The following ARF4 variants were observed in gnomAD, a reference collection of about 807,000 sequenced individuals.
ARF4 encodes the protein ARF GTPase 4, also known as ADP-ribosylation factor 4.
In ARF4, 5 loss-of-function variants were observed where a neutral mutation model predicts 24.3. The ratio of observed to expected loss-of-function variants is 0.21; its 90% CI spans 0.11 to 0.43. ARF4 has a LOEUF of 0.43. Among genes scored for constraint, ARF4 ranks in the 20% least tolerant of loss-of-function variants. ARF4 has a pLI of 1.00. For missense variants in ARF4, 107 were observed against 213.0 expected (o/e 0.50, Z 3.10); for synonymous variants, 62 against 73.5 (o/e 0.84, Z 0.80).
chr3:57,574,144 T>G (rs2069875314), intron 5 of ARF4, among the ~76,000 whole-genome samples: 1 of 151,716 alleles, frequency 6.6e-6, no homozygotes, highest in Non-Finnish European at 1.5e-5. Flanking sequence ...TTTCATCATC[T>G]TGGCCATGTT....
In ARF4 at chr3:57,577,457, CA is replaced by C. The variant is rs376090673; in HGVS notation, c.259-71del. 1.6e-5 allele frequency: 19 copies of C among 1,201,022 alleles called. No individual in the cohort carries two copies. The African/African-American group carries it at 2.3e-4, about 14-fold the overall frequency. The allele number at this position is 1,201,022 out of a possible 1,614,324, so 74.4% of individuals were successfully genotyped here. On this transcript the variant is annotated intron_variant, in intron 3 of 5. Transcript: ENST00000303436. ...TCTCTATATGAAACAGTGTAGGCAGCAAAATGGTACCAATGGTTAGACATTA... is the reference window on the plus strand; with the variant it reads ...TCTCTATATGAAACAGTGTAGGCAGCAAATGGTACCAATGGTTAGACATTA...
At chr3:57,588,277 T>C (rs1332827722) in intron 1 of ARF4, among the ~76,000 whole-genome samples, 1 of 152,176 alleles carries the variant, frequency 6.6e-6, no homozygotes, top group Non-Finnish European at 1.5e-5. Context: ...ACCTCAGAAA[T>C]CTTTGCTGGC....
At chr3:57,583,694 C>T (rs375206081) in intron 3 of ARF4, among the ~76,000 whole-genome samples, 6 of 152,086 alleles carry the variant, frequency 3.9e-5, no homozygotes, top group South Asian at 2.1e-4. Flanking sequence ...AAACACTTAC[C>T]GCAATTGCTT....
chr3:57,572,680 A>T (rs1197174743), intron 5 of ARF4, among the ~76,000 whole-genome samples: 1 of 152,110 alleles, frequency 6.6e-6, no homozygotes, highest in African/African-American at 2.4e-5. Flanking sequence ...CGTCTCAATC[A>T]ATCAAGCTAC....
intron 2 of ARF4, 21 bp from the exon 3 acceptor site, chr3:57,584,028 G>T: frequency 1.3e-6 from 2 of 1,499,000 alleles, no homozygotes; most frequent in South Asian, 2.3e-5. Flanking sequence ...AAACAAAAAT[G>T]ACCGCTGTGC....
In ARF4 at chr3:57,571,822, T is replaced by G. The variant is rs1269344126; in HGVS notation, c.*390A>C. ...AAATAAATACAAATGGAATGCTACA[T>G]TTTTAAATTAGCAAACTGTCTCAGG... On this transcript the variant is annotated 3_prime_UTR_variant, in exon 6 of 6. Transcript: ENST00000303436. The G allele has an allele frequency of 5.8e-6, 1 of 171,076 alleles. No individual in the cohort carries two copies. Among genetic ancestry groups the G allele is most frequent in the Non-Finnish European group, 1.3e-5 (1 of 79,360 alleles). 10.6% of individuals were successfully genotyped at this position (171,076 alleles called of 1,614,324 possible). A position where few individuals can be genotyped will look rare whatever the true frequency, so the allele number is the denominator to read the frequency against.
chr3:57,596,241 A>C (rs2070180982), intron 1 of ARF4, among the ~76,000 whole-genome samples: 1 of 152,236 alleles, frequency 6.6e-6, no homozygotes, highest in Non-Finnish European at 1.5e-5. Flanking sequence ...CTATTTAACA[A>C]GACTACCATA....
chr3:57,573,201 CAAAA>C (rs35901487), intron 5 of ARF4, among the ~76,000 whole-genome samples: 1 of 125,802 alleles, frequency 7.9e-6, no homozygotes. Flanking sequence ...GACTCCATCT[CAAAA>C]AAAAAAAAAA....
intron 1 of ARF4, among the ~76,000 whole-genome samples, chr3:57,586,333 C>A (rs1345854780): frequency 1.3e-5 from 2 of 152,112 alleles, no homozygotes; most frequent in Admixed American, 1.3e-4. Flanking sequence ...AAAAGCAATG[C>A]TAGTAAGTTA....
intron 4 of ARF4, among the ~76,000 whole-genome samples, chr3:57,576,327 G>A (rs1559782845): frequency 1.3e-5 from 2 of 152,108 alleles, no homozygotes; most frequent in African/African-American, 2.4e-5. Context: ...GGAGTGTGGT[G>A]TACGAGAGGA....
intron 3 of ARF4, among the ~76,000 whole-genome samples, chr3:57,580,649 C>T (rs1409780092): frequency 6.6e-6 from 1 of 152,098 alleles, no homozygotes; most frequent in East Asian, 1.9e-4. Context: ...GTATCATGGC[C>T]TCCCAAAGTG....
intron 3 of ARF4, among the ~76,000 whole-genome samples, chr3:57,582,336 G>A (rs1450800065): frequency 6.7e-6 from 1 of 150,270 alleles, no homozygotes; most frequent in East Asian, 2.0e-4. Context: ...TCCACCTCCC[G>A]GGTTCAAGTG....
chr3:57,574,199 A>G (rs534072613), intron 5 of ARF4, among the ~76,000 whole-genome samples: 33 of 152,200 alleles, frequency 2.2e-4, no homozygotes, highest in East Asian at 7.7e-4. Context: ...TCAGCCTCCT[A>G]AAGTGCTGGG....
intron 5 of ARF4, 51 bp downstream of exon 5, chr3:57,575,497 C>A: frequency 6.5e-7 from 1 of 1,529,528 alleles, no homozygotes; most frequent in Non-Finnish European, 8.8e-7. Context: ...ACACAACTAT[C>A]CTAGTAAGTC....
At chr3:57,573,148 G>A (rs953178568) in intron 5 of ARF4, among the ~76,000 whole-genome samples, 3 of 150,510 alleles carry the variant, frequency 2.0e-5, no homozygotes, top group African/African-American at 7.3e-5. Flanking sequence ...CTTGCAGTGA[G>A]CCGAGATCGT....
intron 1 of ARF4, among the ~76,000 whole-genome samples, chr3:57,595,300 T>C (rs2153409593): frequency 6.6e-6 from 1 of 152,358 alleles, no homozygotes; most frequent in East Asian, 1.9e-4. Flanking sequence ...CTATGTGTTC[T>C]GGAACATAAC....
intron 3 of ARF4, among the ~76,000 whole-genome samples, chr3:57,583,321 G>A (rs773050113): frequency 1.2e-4 from 18 of 152,022 alleles, no homozygotes; most frequent in African/African-American, 4.1e-4. Flanking sequence ...GTCATCTAGG[G>A]GATGATCCAG....
In ARF4 at chr3:57,591,282, G is replaced by A. The variant is rs115498869; in HGVS notation, c.67+5792C>T. Among the ~76,000 whole-genome samples, 334 of 151,988 alleles carry A rather than the reference G, an allele frequency of 2.2e-3. 2 individuals are homozygous for A. Among genetic ancestry groups the A allele is most frequent in the South Asian group, 0.019 (92 of 4,812 alleles). On this transcript the variant is annotated intron_variant, in intron 1 of 5. Transcript: ENST00000303436. ...CATGAATGTTGAAGAGCTAGAAAGTGAAAACAACCTAATTTTTATCATCTG... is the reference window on the plus strand; with the variant it reads ...CATGAATGTTGAAGAGCTAGAAAGTAAAAACAACCTAATTTTTATCATCTG...
At position 57,585,850 on chromosome 3, in the gene ARF4, C is replaced by T. The variant is rs901341109; in HGVS notation, c.68-1386G>A. ...AGCTAATTTGTATTTTTAGTAGAGACGGGGTTTCACCATGTTGGCCAGGCT... is the reference window on the plus strand; with the variant it reads ...AGCTAATTTGTATTTTTAGTAGAGATGGGGTTTCACCATGTTGGCCAGGCT... On this transcript the variant is annotated intron_variant, in intron 1 of 5. Coordinates refer to ENST00000303436, the MANE Select transcript of ARF4 (RefSeq NM_001660.4). 4.6e-5 allele frequency among the ~76,000 whole-genome samples: 7 copies of T among 152,016 alleles called. No homozygotes were observed. The South Asian group carries it at 1.0e-3, about 23-fold the overall frequency.
Sources: allele counts gnomAD v4.1 joint callset (sites outside exome capture counted in the v4.1 genomes callset), GRCh38; gene constraint gnomAD v4.1.1; transcripts MANE v1.5; gene names NCBI Gene and HGNC (gene_info 2026-07-23, HGNC 2026-07-21).